HLF: variants seen among roughly 807,000 people sequenced by gnomAD.
HLF encodes the protein HLF transcription factor, PAR bZIP family member.
HLF carries 3 observed loss-of-function variants against 22.6 expected under a neutral mutation model. The observed-to-expected ratio is 0.13, with a 90% CI of 0.06 to 0.34. The LOEUF (loss-of-function observed/expected upper bound fraction) is 0.34. Ranked by LOEUF, HLF falls within the 10% of genes least tolerant of loss-of-function variation. The pLI is 1.00. For synonymous variants in HLF, 151 were observed against 151.8 expected (o/e 0.99, Z 0.04); for missense variants, 299 against 389.2 (o/e 0.77, Z 1.95).
At chr17:55,312,020 A>G (rs970421142) in intron 2 of HLF, among the ~76,000 whole-genome samples, 1 of 152,236 alleles carries the variant, frequency 6.6e-6, no homozygotes, top group Non-Finnish European at 1.5e-5. Context: ...ATGGATACAT[A>G]GTATTCCGTG....
At chr17:55,301,362 A>G (rs1747074270) in intron 2 of HLF, among the ~76,000 whole-genome samples, 1 of 152,274 alleles carries the variant, frequency 6.6e-6, no homozygotes, top group South Asian at 2.1e-4. Flanking sequence ...GTCTTAATCA[A>G]CAAAGACATA....
intron 2 of HLF, among the ~76,000 whole-genome samples, chr17:55,304,808 G>A (rs1443591514): frequency 2.0e-5 from 3 of 152,208 alleles, no homozygotes; most frequent in Non-Finnish European, 1.5e-5. Flanking sequence ...CCTGAGGTGG[G>A]CGTCATTTCT....
rs2080818697 is a variant in HLF at position 55,268,544 on chromosome 17, G to T, written c.451+458G>T. Among the ~76,000 whole-genome samples, 4 of 152,128 alleles carry T rather than the reference G, an allele frequency of 2.6e-5. No homozygotes were observed. In the South Asian group the frequency reaches 8.3e-4, roughly 32 times the overall value. ...GTTTGGTTTACCTATATTCACTCTT[G>T]TCTGTCCTGAAGGAAAAAAAATGTG... On this transcript the variant is annotated intron_variant, in intron 2 of 3. Coordinates refer to ENST00000226067, the MANE Select transcript of HLF (RefSeq NM_002126.5).
rs1281798407 is a variant in HLF, at chr17:55,316,338, GC to G, written c.672+897del. 5.9e-5 allele frequency among the ~76,000 whole-genome samples: 9 copies of G among 152,228 alleles called. No individual in the cohort carries two copies. The East Asian group carries it at 1.5e-3, about 26-fold the overall frequency. Reference sequence around the variant, plus strand: ...CATAATTAGCCCTTTTCTACTGTCTGCCCCCCATCTCTCAAACCTAACTATT... The same window carrying G: ...CATAATTAGCCCTTTTCTACTGTCTGCCCCCATCTCTCAAACCTAACTATT... On this transcript the variant is annotated intron_variant, in intron 3 of 3. Coordinates refer to ENST00000226067, the MANE Select transcript of HLF (RefSeq NM_002126.5).
chr17:55,313,892 C>A (rs1170912322), intron 2 of HLF, among the ~76,000 whole-genome samples: 2 of 152,180 alleles, frequency 1.3e-5, no homozygotes, highest in African/African-American at 2.4e-5. Context: ...TTTGCAAACT[C>A]CCCACCAGGC....
rs1905273511 is a variant in HLF, at chr17:55,321,882, C to A, written c.*1003C>A. On this transcript the variant is annotated 3_prime_UTR_variant, in exon 4 of 4. Transcript: ENST00000226067. The stretch of plus-strand genomic sequence containing the variant: ...GTTGTTCCCCTTCCCTCACACCCTG[C>A]CTCGCCCCCACTTTTCTAGTTAACT... The A allele has an allele frequency of 8.6e-6, 2 of 231,624 alleles. No homozygotes were observed. The highest frequency in any genetic ancestry group is 1.2e-4 in the East Asian group (2 of 16,222). The allele number at this position is 231,624 out of a possible 1,614,324, so 14.3% of individuals were successfully genotyped here. A position where few individuals can be genotyped will look rare whatever the true frequency, so the allele number is the denominator to read the frequency against.
intron 2 of HLF, among the ~76,000 whole-genome samples, chr17:55,284,596 T>C (rs2080985119): frequency 6.6e-6 from 1 of 152,126 alleles, no homozygotes; most frequent in African/African-American, 2.4e-5. Context: ...TTGGGAAGCC[T>C]GGGCACTGGG....
rs1286525453 is a variant in HLF at position 55,322,113 on chromosome 17, T to C, written c.*1234T>C. On this transcript the variant is annotated 3_prime_UTR_variant, in exon 4 of 4. Coordinates refer to ENST00000226067, the MANE Select transcript of HLF (RefSeq NM_002126.5). The stretch of plus-strand genomic sequence containing the variant: ...CTCATAAATTAATGATTCTGAAGCT[T>C]ATGTTTCTTATTCTCTGTTTGCTTT... The C allele has an allele frequency of 4.8e-6, 1 of 206,362 alleles. No homozygotes were observed. The highest frequency in any genetic ancestry group is 9.9e-6 in the Non-Finnish European group (1 of 100,910). 12.8% of individuals were successfully genotyped at this position (206,362 alleles called of 1,614,324 possible).
At chr17:55,299,973 C>T (rs1011928619) in intron 2 of HLF, among the ~76,000 whole-genome samples, 3 of 152,126 alleles carry the variant, frequency 2.0e-5, no homozygotes, top group African/African-American at 4.8e-5. Context: ...GCTAGGACTA[C>T]GGACACATGC....
At chr17:55,307,581 CA>C (rs1904639282) in intron 2 of HLF, among the ~76,000 whole-genome samples, 1 of 151,990 alleles carries the variant, frequency 6.6e-6, no homozygotes, top group Non-Finnish European at 1.5e-5. Context: ...AGACAATTTG[CA>C]AAATATTGAA....
chr17:55,280,756 T>A (rs1598392397), intron 2 of HLF, among the ~76,000 whole-genome samples: 1 of 152,146 alleles, frequency 6.6e-6, no homozygotes, highest in Non-Finnish European at 1.5e-5. Context: ...TGTGAGTCTC[T>A]CAAATACATA....
At chr17:55,271,508 A>ATATT (rs1005482327) in intron 2 of HLF, 3 of 152,046 alleles carry the variant, frequency 2.0e-5, no homozygotes, top group African/African-American at 2.4e-5. Context: ...ATTCTTGTGA[A>ATATT]TATTTATTTA....
chr17:55,300,335 T>A (rs2081146248), intron 2 of HLF, among the ~76,000 whole-genome samples: 1 of 152,214 alleles, frequency 6.6e-6, no homozygotes, highest in Non-Finnish European at 1.5e-5. Context: ...CAGCTGTGCC[T>A]AAACTGTCAG....
At position 55,322,270 on chromosome 17, in the gene HLF, A is replaced by G; in HGVS notation, c.*1391A>G. 5.1e-6 allele frequency: 1 copy of G among 196,532 alleles called. No homozygotes were observed. The highest frequency in any genetic ancestry group is 1.9e-4 in the South Asian group (1 of 5,180). The allele number at this position is 196,532 out of a possible 1,614,324, so 12.2% of individuals were successfully genotyped here. Reference sequence around the variant, plus strand: ...AATTTAAATGTTTACTATAGACCAAAAGGAGAGATTATTAAATCGTTTAAT... The same window carrying G: ...AATTTAAATGTTTACTATAGACCAAGAGGAGAGATTATTAAATCGTTTAAT... On this transcript the variant is annotated 3_prime_UTR_variant, in exon 4 of 4. Transcript: ENST00000226067.
intron 2 of HLF, among the ~76,000 whole-genome samples, chr17:55,309,364 A>G (rs1904724615): frequency 6.6e-6 from 1 of 152,168 alleles, no homozygotes; most frequent in Non-Finnish European, 1.5e-5. Context: ...TGTTGCTATC[A>G]TCTCCTAAGT....
chr17:55,310,158 C>T (rs1050827145), intron 2 of HLF, among the ~76,000 whole-genome samples: 2 of 152,202 alleles, frequency 1.3e-5, no homozygotes, highest in Non-Finnish European at 2.9e-5. Flanking sequence ...CTTTGTTCCA[C>T]CCTTTCCTCC....
At chr17:55,301,184 C>G (rs950652125) in intron 2 of HLF, among the ~76,000 whole-genome samples, 1 of 152,266 alleles carries the variant, frequency 6.6e-6, no homozygotes, top group African/African-American at 2.4e-5. Context: ...ACCTGTGACT[C>G]CCTGGGCAAA....
At chr17:55,315,084 G>T (rs964511312) in intron 2 of HLF, 143 bp from the exon 3 acceptor site, 5 of 660,500 alleles carry the variant, frequency 7.6e-6, no homozygotes, top group Non-Finnish European at 1.3e-5. Flanking sequence ...CAGAAATGCA[G>T]TGCGGATGAG....
intron 2 of HLF, among the ~76,000 whole-genome samples, chr17:55,281,698 T>C (rs1174097269): frequency 1.3e-5 from 2 of 152,212 alleles, no homozygotes; most frequent in African/African-American, 4.8e-5. Context: ...TCAACTCATA[T>C]TAGAAATGAT....
Sources: allele counts gnomAD v4.1 joint callset (sites outside exome capture counted in the v4.1 genomes callset), GRCh38; gene constraint gnomAD v4.1.1; transcripts MANE v1.5; gene names NCBI Gene and HGNC (gene_info 2026-07-23, HGNC 2026-07-21).